PPP4R2: variants seen among roughly 807,000 people sequenced by gnomAD.
The protein encoded by PPP4R2 is serine/threonine-protein phosphatase 4 regulatory subunit 2.
A neutral mutation model predicts 47.2 loss-of-function variants in PPP4R2; 13 were observed. The observed-to-expected ratio is 0.28, with a 90% CI of 0.18 to 0.44. The LOEUF (loss-of-function observed/expected upper bound fraction) is 0.44. PPP4R2 is among the 20% of genes least tolerant of loss of function. The pLI is 1.00. For missense variants in PPP4R2, 421 were observed against 491.2 expected, an observed-to-expected ratio of 0.86 and a Z score of 1.35; for synonymous variants, 151 against 163.3, an observed-to-expected ratio of 0.92 and a Z score of 0.57.
At chr3:73,032,521 T>A (rs1702185872) in intron 2 of PPP4R2, among the ~76,000 whole-genome samples, 1 of 152,154 alleles carries the variant, frequency 6.6e-6, no homozygotes, top group Admixed American at 6.6e-5. Flanking sequence ...TTTCCTGACC[T>A]TGTGATCTGC....
intron 2 of PPP4R2, among the ~76,000 whole-genome samples, chr3:72,999,004 C>T (rs539029516): frequency 6.6e-6 from 1 of 152,276 alleles, no homozygotes; most frequent in African/African-American, 2.4e-5. Context: ...TATAATTTCT[C>T]TGGCTTTATT....
chr3:73,015,369 G>A (rs1701804348), intron 2 of PPP4R2, among the ~76,000 whole-genome samples: 1 of 151,962 alleles, frequency 6.6e-6, no homozygotes, highest in Admixed American at 6.6e-5. Context: ...TAGAGACAGG[G>A]TTTTGCCATG....
chr3:73,004,944 CGTGTGTGTGTGTGTGTGTGTGTGT>C (rs67945272), intron 2 of PPP4R2, among the ~76,000 whole-genome samples: 17 of 116,950 alleles, frequency 1.5e-4, no homozygotes, highest in Middle Eastern at 3.6e-3. Flanking sequence ...GAGTCGGAGT[CGTGTGTGTGTGTGTGTGTGTGTGT>C]GTGTGTGTGT....
intron 3 of PPP4R2, among the ~76,000 whole-genome samples, chr3:73,048,230 A>G (rs780241289): frequency 3.3e-5 from 5 of 151,278 alleles, no homozygotes; most frequent in Non-Finnish European, 5.9e-5. Context: ...TTTAAATTCT[A>G]TTTTTGTAGG....
chr3:73,041,375 GT>G (rs1367395485), intron 2 of PPP4R2, among the ~76,000 whole-genome samples: 6 of 152,094 alleles, frequency 3.9e-5, no homozygotes, highest in Non-Finnish European at 8.8e-5. Flanking sequence ...GCAACTCAGT[GT>G]TTTCTTACTT....
At chr3:73,047,643 A>C (rs1702511737) in intron 3 of PPP4R2, among the ~76,000 whole-genome samples, 1 of 152,196 alleles carries the variant, frequency 6.6e-6, no homozygotes, top group Non-Finnish European at 1.5e-5. Flanking sequence ...TTATGTCTTC[A>C]TACTTTATAT....
At chr3:73,030,787 C>T (rs1244901967) in intron 2 of PPP4R2, among the ~76,000 whole-genome samples, 3 of 151,778 alleles carry the variant, frequency 2.0e-5, no homozygotes, top group African/African-American at 4.8e-5. Flanking sequence ...CTGCATCCTA[C>T]GCCTCCCGGA....
At chr3:73,010,523 C>G (rs1054858373) in intron 2 of PPP4R2, among the ~76,000 whole-genome samples, 7 of 151,694 alleles carry the variant, frequency 4.6e-5, no homozygotes, top group Non-Finnish European at 8.8e-5. Context: ...ATGGTTAAAA[C>G]TCTACTTCTT....
intron 2 of PPP4R2, among the ~76,000 whole-genome samples, chr3:73,045,385 G>A (rs1702460877): frequency 6.6e-6 from 1 of 152,052 alleles, no homozygotes; most frequent in South Asian, 2.1e-4. Flanking sequence ...TCACAGTGAA[G>A]AATAAAAATT....
intron 2 of PPP4R2, among the ~76,000 whole-genome samples, chr3:73,003,444 C>T (rs561730509): frequency 1.3e-4 from 20 of 152,200 alleles, no homozygotes; most frequent in African/African-American, 4.3e-4. Flanking sequence ...AACTCCTGGC[C>T]TCAAGTGATC....
chr3:73,042,643 G>A (rs184109164), intron 2 of PPP4R2, among the ~76,000 whole-genome samples: 92 of 152,110 alleles, frequency 6.0e-4, no homozygotes, highest in Admixed American at 2.3e-3. Context: ...GATTACATCC[G>A]TGAGCCACCG....
At chr3:73,040,033 CAA>C (rs1395855804) in intron 2 of PPP4R2, among the ~76,000 whole-genome samples, 6 of 152,106 alleles carry the variant, frequency 3.9e-5, no homozygotes, top group African/African-American at 9.7e-5. Context: ...GCCTGGGCGA[CAA>C]GAGTGAAACT....
At chr3:73,051,419 C>T (rs916731894) in intron 3 of PPP4R2, among the ~76,000 whole-genome samples, 1 of 152,156 alleles carries the variant, frequency 6.6e-6, no homozygotes, top group African/African-American at 2.4e-5. Context: ...TGAAATGGAA[C>T]ATCTTTTTGT....
At chr3:73,037,680 G>A (rs1702292644) in intron 2 of PPP4R2, among the ~76,000 whole-genome samples, 1 of 152,088 alleles carries the variant, frequency 6.6e-6, no homozygotes, top group African/African-American at 2.4e-5. Flanking sequence ...CCTGCTTCTT[G>A]GCTTTACTTT....
chr3:73,015,007 A>G (rs189695481), intron 2 of PPP4R2: 5 of 669,446 alleles, frequency 7.5e-6, no homozygotes, highest in African/African-American at 1.8e-5. Flanking sequence ...CCCAGTCGTA[A>G]TTTTTTTTCC....
rs1703001947 is a variant in PPP4R2 at position 73,066,598 on chromosome 3, T to G, written c.*876T>G. 1 of 152,104 alleles carries G rather than the reference T, an allele frequency of 6.6e-6. No individual in the cohort carries two copies. The highest frequency in any genetic ancestry group is 6.6e-5 in the Admixed American group (1 of 15,266). 9.4% of individuals were successfully genotyped at this position (152,104 alleles called of 1,614,324 possible). ...CTTACTATTTTGTAGAATGAATGTT[T>G]ATGAAGCTGATATGAGACCATCTCA... On this transcript the variant is annotated 3_prime_UTR_variant, in exon 9 of 9. Transcript: ENST00000356692.
chr3:73,010,940 A>G (rs564880028), intron 2 of PPP4R2, among the ~76,000 whole-genome samples: 16 of 152,338 alleles, frequency 1.1e-4, no homozygotes, highest in East Asian at 3.9e-4. Context: ...CTTTACAACT[A>G]CTATCTGAAG....
chr3:73,021,900 A>ATATAT (rs1553646890), intron 2 of PPP4R2, among the ~76,000 whole-genome samples: 5 of 114,738 alleles, frequency 4.4e-5, no homozygotes, highest in Admixed American at 8.9e-5. Flanking sequence ...ATATATATAT[A>ATATAT]TTTTTTTTTT....
At chr3:73,012,619 A>C (rs1257306673) in intron 2 of PPP4R2, among the ~76,000 whole-genome samples, 2 of 152,160 alleles carry the variant, frequency 1.3e-5, no homozygotes, top group African/African-American at 4.8e-5. Context: ...AATATTTTCA[A>C]TCTGAGGTTG....
Sources: allele counts gnomAD v4.1 joint callset (sites outside exome capture counted in the v4.1 genomes callset), GRCh38; gene constraint gnomAD v4.1.1; transcripts MANE v1.5; gene names NCBI Gene and HGNC (gene_info 2026-07-23, HGNC 2026-07-21).